REEP3: variants seen among roughly 807,000 people sequenced by gnomAD.
The protein encoded by REEP3 is receptor accessory protein 3.
REEP3 carries 20 observed loss-of-function variants against 41.3 expected under a neutral mutation model. That is an observed-to-expected ratio of 0.48 (90% CI 0.34 to 0.70). REEP3 has a LOEUF of 0.70. REEP3 is among the 30% of genes least tolerant of loss of function. The pLI, the probability that REEP3 is intolerant of heterozygous loss-of-function variation, is 0.01. For synonymous variants in REEP3, 104 were observed against 101.8 expected, an observed-to-expected ratio of 1.02 and a Z score of -0.13; for missense variants, 271 against 308.8, an observed-to-expected ratio of 0.88 and a Z score of 0.92.
intron 1 of REEP3, among the ~76,000 whole-genome samples, chr10:63,540,526 A>T (rs543582507): frequency 9.8e-5 from 15 of 152,324 alleles, no homozygotes; most frequent in African/African-American, 3.4e-4. Flanking sequence ...TCTGAAAAGG[A>T]TGGGGAAGGG....
chr10:63,584,636 T>TG (rs573585902), intron 2 of REEP3, among the ~76,000 whole-genome samples: 2,207 of 151,398 alleles, frequency 0.015, 19 homozygotes, highest in East Asian at 0.037. Context: ...AATGATGGAG[T>TG]GGGGGGGGAA....
intron 1 of REEP3, among the ~76,000 whole-genome samples, chr10:63,566,004 C>A (rs1017846465): frequency 1.3e-5 from 2 of 151,540 alleles, no homozygotes; most frequent in Non-Finnish European, 2.9e-5. Context: ...CCTGCCTCAG[C>A]CTCCCCAGCA....
chr10:63,546,148 TG>T (rs993227624), intron 1 of REEP3, among the ~76,000 whole-genome samples: 3 of 152,022 alleles, frequency 2.0e-5, no homozygotes, highest in African/African-American at 7.2e-5. Flanking sequence ...CTGAGTGAGG[TG>T]GGAAGCTGTT....
chr10:63,572,666 CCT>C (rs1316059942), intron 2 of REEP3, among the ~76,000 whole-genome samples: 1 of 151,816 alleles, frequency 6.6e-6, no homozygotes, highest in African/African-American at 2.4e-5. Context: ...TTTATATTGC[CCT>C]GTTATGTTTT....
chr10:63,610,869 G>T (rs895131589), intron 6 of REEP3, among the ~76,000 whole-genome samples: 1 of 152,052 alleles, frequency 6.6e-6, no homozygotes, highest in South Asian at 2.1e-4. Context: ...AGGAGTTCAC[G>T]ACCAGCCTGG....
At chr10:63,562,449 G>A in intron 1 of REEP3, 1 of 418,200 alleles carries the variant, frequency 2.4e-6, no homozygotes, top group Non-Finnish European at 4.8e-6. Context: ...TAGAGACAGG[G>A]TTTCCCCACG....
intron 2 of REEP3, among the ~76,000 whole-genome samples, chr10:63,593,336 G>A (rs561485885): frequency 4.4e-4 from 67 of 152,240 alleles, no homozygotes; most frequent in Non-Finnish European, 8.2e-4. Context: ...CCCTACATTG[G>A]GCAGTTTCTC....
chr10:63,599,538 T>A (rs1322116921), intron 5 of REEP3: 1 of 302,138 alleles, frequency 3.3e-6, no homozygotes, highest in Non-Finnish European at 5.3e-6. Context: ...GTCATAATTT[T>A]CCCACTTAAT....
At chr10:63,597,852 G>A (rs1454343712) in intron 3 of REEP3, among the ~76,000 whole-genome samples, 172 bp from the exon 4 acceptor site, 1 of 151,466 alleles carries the variant, frequency 6.6e-6, no homozygotes. Context: ...GGCGGAGGTT[G>A]CAATGAGCCG....
At chr10:63,569,090 A>T (rs1955830293) in intron 2 of REEP3, among the ~76,000 whole-genome samples, 1 of 152,220 alleles carries the variant, frequency 6.6e-6, no homozygotes, top group African/African-American at 2.4e-5. Context: ...ACAGCCTTGT[A>T]CAATTCCATA....
chr10:63,594,857 A>C lies in REEP3; in HGVS notation c.182+3A>C. ...GTAGCCGATCAAACAGTTGCTTGGT[A>C]AGTTTTACTATTGAGAAGGGGCCAG... is the stretch of plus-strand genomic sequence containing the variant. On this transcript the variant is annotated splice_donor_region_variant and intron_variant, in intron 3 of 7. Coordinates refer to ENST00000373758, the MANE Select transcript of REEP3 (RefSeq NM_001001330.3). The C allele has an allele frequency of 6.3e-7, 1 of 1,597,658 alleles. No individual in the cohort carries two copies. Among genetic ancestry groups the C allele is most frequent in the Non-Finnish European group, 8.6e-7 (1 of 1,165,234 alleles).
At chr10:63,559,408 T>C (rs1955720774) in intron 1 of REEP3, among the ~76,000 whole-genome samples, 1 of 152,204 alleles carries the variant, frequency 6.6e-6, no homozygotes, top group African/African-American at 2.4e-5. Context: ...ATCTGTTGAC[T>C]TTTTTCTTAT....
intron 1 of REEP3, among the ~76,000 whole-genome samples, chr10:63,523,431 G>A (rs560867735): frequency 1.3e-5 from 2 of 152,158 alleles, no homozygotes; most frequent in Non-Finnish European, 2.9e-5. Flanking sequence ...ACAAGAGTTA[G>A]AGACCAGCCT....
intron 2 of REEP3, among the ~76,000 whole-genome samples, chr10:63,571,382 A>G (rs1955850774): frequency 6.6e-6 from 1 of 152,180 alleles, no homozygotes; most frequent in Non-Finnish European, 1.5e-5. Context: ...TGGAGGGTTT[A>G]GGGGAAAGTC....
At chr10:63,620,362 C>G (rs1052544392) in intron 7 of REEP3, among the ~76,000 whole-genome samples, 12 of 152,326 alleles carry the variant, frequency 7.9e-5, no homozygotes, top group Non-Finnish European at 1.6e-4. Context: ...TCACATAGTT[C>G]AAATACCCAG....
At position 63,620,803 on chromosome 10, in the gene REEP3, C is replaced by A. The variant is rs1412583519; in HGVS notation, c.712-10C>A. 4 of 1,575,040 alleles carry A rather than the reference C, an allele frequency of 2.5e-6. No individual in the cohort carries two copies. The highest frequency in any genetic ancestry group is 3.5e-6 in the Non-Finnish European group (4 of 1,154,034). On this transcript the variant is annotated splice_polypyrimidine_tract_variant and intron_variant, in intron 7 of 7. Transcript: ENST00000373758. ...TCTAATTCTTAATAATAAAACATTT[C>A]TCTCTTCAGGTGCGGTACGGGTCAC...
intron 1 of REEP3, among the ~76,000 whole-genome samples, chr10:63,558,662 G>T (rs1955713051): frequency 6.6e-6 from 1 of 152,086 alleles, no homozygotes; most frequent in Non-Finnish European, 1.5e-5. Context: ...GGTGGCACTT[G>T]AACCCAGGAG....
At chr10:63,579,110 C>T (rs1589874405) in intron 2 of REEP3, among the ~76,000 whole-genome samples, 1 of 151,694 alleles carries the variant, frequency 6.6e-6, no homozygotes, top group African/African-American at 2.4e-5. Flanking sequence ...CAGCTCACTG[C>T]AACCTCTGTC....
At chr10:63,593,654 C>CAAG (rs1428044036) in intron 2 of REEP3, among the ~76,000 whole-genome samples, 1 of 152,108 alleles carries the variant, frequency 6.6e-6, no homozygotes, top group Admixed American at 6.5e-5. Context: ...ACTTGAGAGA[C>CAAG]AAGAAACTCT....
Sources: gnomAD v4.1 joint callset for allele counts (sites outside exome capture counted in the v4.1 genomes callset) on GRCh38, gnomAD v4.1.1 for gene constraint, MANE v1.5 for transcripts, NCBI Gene and HGNC (gene_info 2026-07-23, HGNC 2026-07-21) for gene names.